The following RPA2 variants were observed in gnomAD, a reference collection of about 807,000 sequenced individuals.
RPA2 encodes replication protein A 32 kDa subunit.
A neutral mutation model predicts 33.4 loss-of-function variants in RPA2; 22 were observed. The ratio of observed to expected loss-of-function variants is 0.66; its 90% confidence interval spans 0.47 to 0.94. RPA2 has a LOEUF of 0.94. Ranked by LOEUF, RPA2 falls within the 40% of genes least tolerant of loss-of-function variation. The pLI, the probability that RPA2 is intolerant of heterozygous loss-of-function variation, is 0.00. For synonymous variants in RPA2, 109 were observed against 114.9 expected, an observed-to-expected ratio of 0.95 and a Z score of 0.33; for missense variants, 279 against 329.9, an observed-to-expected ratio of 0.85 and a Z score of 1.19.
chr1:27,899,598 C>A (rs2089940855), intron 4 of RPA2, among the ~76,000 whole-genome samples: 1 of 151,392 alleles, frequency 6.6e-6, no homozygotes, highest in Non-Finnish European at 1.5e-5. Context: ...AAGATCTCTA[C>A]CTCAACTCCT....
rs201017380 is a variant in RPA2 at position 27,914,415 on chromosome 1, C to G, written c.10+19G>C. The G allele has an allele frequency of 1.9e-6, 3 of 1,610,090 alleles. No individual in the cohort carries two copies. Among genetic ancestry groups the G allele is most frequent in the African/African-American group, 1.3e-5 (1 of 74,946 alleles). On this transcript the variant is annotated intron_variant, in intron 1 of 8. Transcript: ENST00000373912. ...TCCTGCGATTCTCTTCCTCCTCCAC[C>G]CCGCACCCCCATCATTACTGTTCCA...
At chr1:27,904,546 G>A (rs911059776) in intron 4 of RPA2, among the ~76,000 whole-genome samples, 41 of 152,158 alleles carry the variant, frequency 2.7e-4, no homozygotes, top group African/African-American at 9.6e-4. Context: ...AATAACTGCT[G>A]AATGAATTAT....
intron 7 of RPA2, 48 bp from the exon 8 acceptor site, chr1:27,894,154 TC>T: frequency 6.4e-7 from 1 of 1,569,714 alleles, no homozygotes; most frequent in Non-Finnish European, 8.8e-7. Flanking sequence ...TGGATCAGCC[TC>T]CCCTTTGCAA....
rs955851484 is a variant in RPA2, at chr1:27,894,193, G to T, written c.634-87C>A. The T allele has an allele frequency of 1.1e-5, 16 of 1,496,682 alleles. No homozygotes were observed. In the Admixed American group the frequency reaches 1.9e-4, roughly 18 times the overall value. 92.7% of individuals were successfully genotyped at this position (1,496,682 alleles called of 1,614,324 possible). On this transcript the variant is annotated intron_variant, in intron 7 of 8. Transcript: ENST00000373912. ...CTGAGTCCCTTTATAGAAAAGAAAT[G>T]AACCAGGTACTTAAACAGTCGTAGC... is the stretch of plus-strand genomic sequence containing the variant.
At chr1:27,895,623 C>T (rs1211160500) in intron 6 of RPA2, among the ~76,000 whole-genome samples, 2 of 138,694 alleles carry the variant, frequency 1.4e-5, no homozygotes, top group African/African-American at 2.7e-5. Flanking sequence ...CCCAGCTACT[C>T]GGGAGGCTGA....
chr1:27,912,152 G>GT (rs1484954164), intron 2 of RPA2, among the ~76,000 whole-genome samples: 9 of 152,072 alleles, frequency 5.9e-5, no homozygotes, highest in African/African-American at 2.2e-4. Context: ...ATATCATTGA[G>GT]TTTTTTAACT....
intron 6 of RPA2, among the ~76,000 whole-genome samples, 185 bp downstream of exon 6, chr1:27,896,820 G>GA (rs1358604397): frequency 6.6e-6 from 1 of 152,186 alleles, no homozygotes; most frequent in African/African-American, 2.4e-5. Context: ...AATTCTGAGA[G>GA]AAACATGAGT....
At chr1:27,914,605 G>A, upstream of RPA2, 2 of 1,613,792 alleles carry the variant, frequency 1.2e-6, no homozygotes, top group Non-Finnish European at 1.7e-6. Context: ...CGGGGTGCTC[G>A]CTTCAGCCAA....
rs535763830 is a variant in RPA2, at chr1:27,897,054, A to G, written c.476T>C (p.Ile159Thr). The G allele has an allele frequency of 4.3e-6, 7 of 1,613,968 alleles. No homozygotes were observed. The Admixed American group carries it at 1.0e-4, about 23-fold the overall frequency. Residue 159 changes from isoleucine (I) to threonine (T), a missense_variant, in exon 6 of 9, where the codon ATT becomes ACT. Physicochemically the swap from Ile to Thr is moderately conservative, Grantham distance 89. This residue lies in a region of RPA2 where 274 missense variants were observed against 310.3 expected (regional missense o/e 0.88). Coordinates refer to ENST00000373912, the MANE Select transcript of RPA2 (RefSeq NM_002946.5). ...CATGTGTGCATTGATCACTTCCAGA[A>G]TATGTGTGGTGAACTCATTCATATC... Reference protein sequence around the residue: ...LEDMNEFTTHILEVINAHMVL... With the variant: ...LEDMNEFTTHTLEVINAHMVL...
chr1:27,907,234 A>G lies in RPA2; in HGVS notation c.166T>C (p.Ser56Pro). ...IVPCTISQLL[S>P]ATLVDEVFRI... ...AACACTTCATCAACCAAAGTGGCAG[A>G]AAGCAGCTGAGATATAGTACAGGGC... is the stretch of plus-strand genomic sequence containing the variant. Residue 56 changes from serine (S) to proline (P), a missense_variant, in exon 3 of 9, where the codon TCT becomes CCT. Physicochemically the swap from Ser to Pro is moderately conservative, Grantham distance 74. Transcript: ENST00000373912. The G allele has an allele frequency of 6.2e-7, 1 of 1,614,144 alleles. No individual in the cohort carries two copies. The highest frequency in any genetic ancestry group is 1.1e-5 in the South Asian group (1 of 91,076).
intron 4 of RPA2, among the ~76,000 whole-genome samples, chr1:27,904,373 A>AT (rs2090003046): frequency 1.3e-5 from 2 of 152,008 alleles, no homozygotes; most frequent in Non-Finnish European, 2.9e-5. Flanking sequence ...ATGTCAGGTG[A>AT]TTTTTTAAAT....
chr1:27,897,027 A>T lies in RPA2; in HGVS notation c.503T>A (p.Val168Glu), dbSNP rs1194133985. 1 of 1,612,992 alleles carries T rather than the reference A, an allele frequency of 6.2e-7. No individual in the cohort carries two copies. Among genetic ancestry groups the T allele is most frequent in the South Asian group, 1.1e-5 (1 of 90,972 alleles). The stretch of plus-strand genomic sequence containing the variant: ...CACCTGGCTGTTGGCTTTGCTTAGT[A>T]CCATGTGTGCATTGATCACTTCCAG... ...HILEVINAHM[V>E]LSKANSQPSA... Residue 168 changes from valine to glutamate, a missense_variant, in exon 6 of 9, where the codon GTA becomes GAA. By Grantham distance (121) the Val-to-Glu change is moderately radical. Coordinates refer to ENST00000373912, the MANE Select transcript of RPA2 (RefSeq NM_002946.5).
chr1:27,897,698 T>G lies in RPA2; in HGVS notation c.343A>C (p.Ser115Arg), dbSNP rs1412180755. The G allele has an allele frequency of 3.8e-6, 6 of 1,593,992 alleles. No individual in the cohort carries two copies. The Admixed American group carries it at 6.9e-5, about 18-fold the overall frequency. Residue 115 changes from serine (S) to arginine (R), a missense_variant, in exon 5 of 9, where the codon AGT becomes CGT. Physicochemically the swap from Ser to Arg is moderately radical, Grantham distance 110 (BLOSUM62 -1). This residue lies in a region of RPA2 where 274 missense variants were observed against 310.3 expected (regional missense o/e 0.88). Coordinates refer to ENST00000373912, the MANE Select transcript of RPA2 (RefSeq NM_002946.5). The stretch of plus-strand genomic sequence containing the variant: ...TCTGGAGGAACCACAGTGTTTTCAC[T>G]GCTGGTGTCCTAACATAAAATACAA... ...RQWVDTDDTS[S>R]ENTVVPPETY...
intron 2 of RPA2, among the ~76,000 whole-genome samples, chr1:27,913,253 C>T (rs1472157940): frequency 1.3e-5 from 2 of 150,168 alleles, no homozygotes; most frequent in Non-Finnish European, 3.0e-5. Context: ...GCGGCTGGCC[C>T]AAAAACCACA....
At chr1:27,906,672 T>C (rs905706531) in intron 4 of RPA2, among the ~76,000 whole-genome samples, 2 of 151,966 alleles carry the variant, frequency 1.3e-5, no homozygotes, top group Non-Finnish European at 2.9e-5. Context: ...GGCGACAGAG[T>C]GAGACTCTGT....
chr1:27,911,814 C>T (rs534950024), intron 2 of RPA2, among the ~76,000 whole-genome samples: 1 of 152,182 alleles, frequency 6.6e-6, no homozygotes, highest in African/African-American at 2.4e-5. Flanking sequence ...ATAAAGCGGC[C>T]GGGCACGGTG....
intron 2 of RPA2, among the ~76,000 whole-genome samples, chr1:27,913,676 A>G (rs570894089): frequency 1.3e-5 from 2 of 151,666 alleles, no homozygotes; most frequent in Non-Finnish European, 2.9e-5. Flanking sequence ...CAGCACTTTG[A>G]GAGGCCGAGG....
chr1:27,894,858 A>G (rs1422615285), intron 6 of RPA2, among the ~76,000 whole-genome samples: 3 of 151,652 alleles, frequency 2.0e-5, no homozygotes, highest in Admixed American at 2.0e-4. Flanking sequence ...CACTATTTTC[A>G]TTTCCTTTCT....
chr1:27,914,619 G>A (rs762425895), upstream of RPA2: 1 of 1,613,914 alleles, frequency 6.2e-7, no homozygotes, highest in Non-Finnish European at 8.5e-7. Flanking sequence ...CAGCCAATCG[G>A]TGCTCACGGA....
Sources: gnomAD v4.1 joint callset for allele counts (sites outside exome capture counted in the v4.1 genomes callset) on GRCh38, gnomAD v4.1.1 for gene constraint, gnomAD v4.1.1 regional missense constraint, MANE v1.5 for transcripts, NCBI Gene and HGNC (gene_info 2026-07-23, HGNC 2026-07-21) for gene names.